Variants in MMP20 observed in about 807,000 individuals in gnomAD.
MMP20 encodes the protein matrix metallopeptidase 20.
A neutral mutation model predicts 51.8 loss-of-function variants in MMP20; 50 were observed. The ratio of observed to expected loss-of-function variants is 0.97; its 90% confidence interval spans 0.77 to 1.22. The LOEUF is 1.22. MMP20 is among the 50% of genes most tolerant of loss of function. The probability of loss-of-function intolerance (pLI) is 0.00; values close to 1 mark genes in which losing one functional copy is unlikely to be tolerated. For missense variants in MMP20, 663 were observed against 601.4 expected (o/e 1.10, Z -1.07); for synonymous variants, 244 against 216.2 (o/e 1.13, Z -1.13).
intron 9 of MMP20, among the ~76,000 whole-genome samples, chr11:102,578,728 C>G (rs1046884089): frequency 2.0e-5 from 3 of 147,420 alleles, no homozygotes; most frequent in Non-Finnish European, 4.5e-5. Flanking sequence ...GAGCGAGACT[C>G]CGTCTCAAAA....
chr11:102,606,791 C>T (rs1345632383), intron 5 of MMP20, 115 bp from the exon 6 acceptor site: 10 of 1,282,494 alleles, frequency 7.8e-6, no homozygotes, highest in Non-Finnish European at 1.1e-5. Context: ...TGATCATGAT[C>T]ATGGCTGTTG....
rs190817531 is a variant in MMP20, at chr11:102,611,835, G to T, written c.443C>A (p.Ala148Asp). The T allele has an allele frequency of 1.9e-6, 3 of 1,614,082 alleles. No homozygotes were observed. Among genetic ancestry groups the T allele is most frequent in the Non-Finnish European group, 2.5e-6 (3 of 1,180,018 alleles). Reference sequence around the variant, plus strand: ...GCTCAGAGGGACGGCGCTACTCCAGGCCTGCAAGGCCATCTCCACTGCTTT... The same window carrying T: ...GCTCAGAGGGACGGCGCTACTCCAGTCCTGCAAGGCCATCTCCACTGCTTT... ...VDKAVEMALQ[A>D]WSSAVPLSFV... The change falls in exon 3 of 10, where the codon GCC becomes GAC. Residue 148 changes from alanine to aspartate, a missense_variant. Ala to Asp is a moderately radical substitution (Grantham distance 126, BLOSUM62 -2). Coordinates refer to ENST00000260228, the MANE Select transcript of MMP20 (RefSeq NM_004771.4).
chr11:102,602,614 T>C (rs7939183), intron 6 of MMP20, among the ~76,000 whole-genome samples: 22,394 of 152,184 alleles, frequency 0.15, 1,805 homozygotes, highest in Middle Eastern at 0.2. Context: ...ATATTAGTGC[T>C]AGGATAGATT....
At chr11:102,602,684 G>A (rs569985268) in intron 6 of MMP20, among the ~76,000 whole-genome samples, 1 of 152,290 alleles carries the variant, frequency 6.6e-6, no homozygotes, top group South Asian at 2.1e-4. Context: ...TAAAAGACCT[G>A]TGCCTATTTT....
chr11:102,579,880 T>C (rs1426486881), intron 8 of MMP20, among the ~76,000 whole-genome samples: 1 of 152,270 alleles, frequency 6.6e-6, no homozygotes. Context: ...TATTTCTCTA[T>C]CAATTCCTTG....
At chr11:102,618,975 AC>A (rs1001569577) in intron 1 of MMP20, among the ~76,000 whole-genome samples, 4 of 151,964 alleles carry the variant, frequency 2.6e-5, no homozygotes, top group African/African-American at 9.7e-5. Flanking sequence ...CCTTGTAAAA[AC>A]CTTAGGTGAG....
At chr11:102,602,916 T>C (rs1320601384) in intron 6 of MMP20, among the ~76,000 whole-genome samples, 2 of 152,232 alleles carry the variant, frequency 1.3e-5, no homozygotes, top group Admixed American at 6.5e-5. Context: ...CCTAAGTGAC[T>C]GAGGAAATGT....
rs1409100440 is a variant in MMP20 at position 102,601,342 on chromosome 11, C to T, written c.953+5193G>A. Among the ~76,000 whole-genome samples, 4 of 41,336 alleles carry T rather than the reference C, an allele frequency of 9.7e-5. 2 individuals carry two copies. The highest frequency in any genetic ancestry group is 1.3e-4 in the African/African-American group (2 of 14,892). 27.1% of individuals were successfully genotyped at this position (41,336 alleles called of 152,430 possible). A position where few individuals can be genotyped will look rare whatever the true frequency, so the allele number is the denominator to read the frequency against. On this transcript the variant is annotated intron_variant, in intron 6 of 9. Transcript: ENST00000260228. ...AGAGACGGGGTTTCACCGTTTTAGC[C>T]GGGATGGTCTCGATCTCCTGACCTC...
At chr11:102,623,758 G>C (rs1035071522) in intron 1 of MMP20, among the ~76,000 whole-genome samples, 1 of 152,212 alleles carries the variant, frequency 6.6e-6, no homozygotes, top group Non-Finnish European at 1.5e-5. Flanking sequence ...TGGATTAGAA[G>C]GGGGGTCTCC....
chr11:102,614,756 G>C (rs1859646048), intron 2 of MMP20, among the ~76,000 whole-genome samples: 1 of 151,786 alleles, frequency 6.6e-6, no homozygotes, highest in Non-Finnish European at 1.5e-5. Flanking sequence ...TTGATCAAAT[G>C]GACTCACTGG....
At chr11:102,584,609 A>C (rs1859233469) in intron 8 of MMP20, among the ~76,000 whole-genome samples, 1 of 152,180 alleles carries the variant, frequency 6.6e-6, no homozygotes. Flanking sequence ...ACTGTGAAGC[A>C]GAAAAGTTTT....
At chr11:102,622,663 T>C (rs933296860) in intron 1 of MMP20, among the ~76,000 whole-genome samples, 6 of 152,210 alleles carry the variant, frequency 3.9e-5, no homozygotes, top group Non-Finnish European at 8.8e-5. Context: ...AAACATCTTG[T>C]GCACTCATTG....
At chr11:102,606,503 C>T (rs1859518113) in intron 6 of MMP20, 32 bp downstream of exon 6, 1 of 1,613,114 alleles carries the variant, frequency 6.2e-7, no homozygotes, top group South Asian at 1.1e-5. Context: ...AGATGAGGCC[C>T]AATGAGAGTC....
chr11:102,613,576 G>T (rs758768466), intron 2 of MMP20, among the ~76,000 whole-genome samples: 1 of 152,200 alleles, frequency 6.6e-6, no homozygotes, highest in South Asian at 2.1e-4. Context: ...GTTTTGAAAG[G>T]TATCTTAGGT....
intron 6 of MMP20, among the ~76,000 whole-genome samples, chr11:102,603,249 T>A (rs1330636691): frequency 6.6e-6 from 1 of 152,230 alleles, no homozygotes; most frequent in Non-Finnish European, 1.5e-5. Flanking sequence ...GGGAGCGCTT[T>A]CATAATCAGT....
chr11:102,593,618 A>G (rs779776721), intron 7 of MMP20, 23 bp from the exon 8 acceptor site: 5 of 1,613,768 alleles, frequency 3.1e-6, no homozygotes, highest in Non-Finnish European at 4.2e-6. Flanking sequence ...ATTAAAGTTT[A>G]CGAAAACTCT....
At chr11:102,621,076 G>A (rs184209606) in intron 1 of MMP20, among the ~76,000 whole-genome samples, 1 of 152,296 alleles carries the variant, frequency 6.6e-6, no homozygotes, top group Non-Finnish European at 1.5e-5. Context: ...GGCACAAGCC[G>A]GTTCCTGGCT....
At chr11:102,607,350 C>T (rs1859531208) in intron 5 of MMP20, 1 of 155,354 alleles carries the variant, frequency 6.4e-6, no homozygotes, top group Non-Finnish European at 1.4e-5. Flanking sequence ...TGCTCTGCAT[C>T]TCTCAGGACT....
rs115151257 is a variant in MMP20 at position 102,620,130 on chromosome 11, G to A, written c.127-3071C>T. On this transcript the variant is annotated intron_variant, in intron 1 of 9. Coordinates refer to ENST00000260228, the MANE Select transcript of MMP20 (RefSeq NM_004771.4). ...TGCAACCTCCTTCCAGTCAGGCACC[G>A]TTTTGCCTTCACAGATGCAAACCCT... Among the ~76,000 whole-genome samples, 431 of 152,164 alleles carry A rather than the reference G, an allele frequency of 2.8e-3. 1 individual carries two copies. The highest frequency in any genetic ancestry group is 9.7e-3 in the African/African-American group (401 of 41,514).
Sources: allele counts gnomAD v4.1 joint callset (sites outside exome capture counted in the v4.1 genomes callset), GRCh38; gene constraint gnomAD v4.1.1; transcripts MANE v1.5; gene names NCBI Gene and HGNC (gene_info 2026-07-23, HGNC 2026-07-21).